The following PRUNE2 variants were observed in gnomAD, a reference collection of about 807,000 sequenced individuals.
The protein encoded by PRUNE2 is prune homolog 2 with BCH domain.
A neutral mutation model predicts 252.0 loss-of-function variants in PRUNE2; 164 were observed. The observed-to-expected ratio is 0.65, with a 90% CI of 0.57 to 0.74. PRUNE2 has a LOEUF of 0.74. Ranked by LOEUF, PRUNE2 falls within the 30% of genes least tolerant of loss-of-function variation. PRUNE2 has a pLI of 0.00. For missense variants in PRUNE2, 3,495 were observed against 3,711.0 expected (o/e 0.94, Z 1.51); for synonymous variants, 1,292 against 1,350.2 (o/e 0.96, Z 0.94).
intron 10 of PRUNE2, among the ~76,000 whole-genome samples, chr9:76,653,577 A>T (rs958713981): frequency 6.6e-6 from 1 of 152,152 alleles, no homozygotes; most frequent in African/African-American, 2.4e-5. Context: ...AACCATGGAT[A>T]GAAAGGGCCA....
In PRUNE2 at chr9:76,760,608, T is replaced by C. The variant is rs573784434; in HGVS notation, c.757-46887A>G. On this transcript the variant is annotated intron_variant, in intron 6 of 18. Coordinates refer to ENST00000376718, the MANE Select transcript of PRUNE2 (RefSeq NM_015225.3). ...AGATTAATCATCCTAACTATGACCATGATTTTAGCCAAAAGCCCCCCAAAA... is the reference window on the plus strand; with the variant it reads ...AGATTAATCATCCTAACTATGACCACGATTTTAGCCAAAAGCCCCCCAAAA... Among the ~76,000 whole-genome samples, 4 of 152,252 alleles carry C rather than the reference T, an allele frequency of 2.6e-5. No homozygotes were observed. The Middle Eastern group carries it at 0.01, about 388-fold the overall frequency.
At chr9:76,692,873 G>A (rs2044920615) in intron 9 of PRUNE2, 3 of 152,182 alleles carry the variant, frequency 2.0e-5, no homozygotes, top group Non-Finnish European at 4.4e-5. Flanking sequence ...AGCTACTCAG[G>A]AGGCTAAGGC....
chr9:76,631,868 G>A (rs1178014991), intron 15 of PRUNE2, among the ~76,000 whole-genome samples: 1 of 152,168 alleles, frequency 6.6e-6, no homozygotes, highest in Non-Finnish European at 1.5e-5. Flanking sequence ...TATACTCAAT[G>A]TTCAGCTCCC....
chr9:76,641,919 TCTC>T (rs1181310501), intron 12 of PRUNE2: 6 of 1,518,734 alleles, frequency 4.0e-6, no homozygotes, highest in Admixed American at 2.4e-5. Context: ...CAGCAACTCT[TCTC>T]CTCATTCTTT....
chr9:76,683,877 T>C (rs531282984), intron 9 of PRUNE2, among the ~76,000 whole-genome samples: 2 of 151,556 alleles, frequency 1.3e-5, no homozygotes, highest in Admixed American at 6.6e-5. Flanking sequence ...TATACACATA[T>C]GTATTTGCAT....
At chr9:76,715,518 A>G (rs2047073489) in intron 6 of PRUNE2, among the ~76,000 whole-genome samples, 2 of 152,216 alleles carry the variant, frequency 1.3e-5, no homozygotes, top group African/African-American at 4.8e-5. Context: ...CAAAGGTCTC[A>G]GGATCTATTC....
chr9:76,881,191 C>T (rs977492716), intron 1 of PRUNE2, among the ~76,000 whole-genome samples: 1 of 152,148 alleles, frequency 6.6e-6, no homozygotes, highest in Non-Finnish European at 1.5e-5. Context: ...TGGTCTCGAA[C>T]TCCTGACCTC....
chr9:76,772,015 C>A (rs2053168450), intron 6 of PRUNE2, among the ~76,000 whole-genome samples: 1 of 152,182 alleles, frequency 6.6e-6, no homozygotes, highest in Non-Finnish European at 1.5e-5. Flanking sequence ...TATACGAAGT[C>A]CGAGAGCAGA....
chr9:76,898,395 T>C (rs1466267821), intron 1 of PRUNE2, among the ~76,000 whole-genome samples: 1 of 152,156 alleles, frequency 6.6e-6, no homozygotes, highest in African/African-American at 2.4e-5. Flanking sequence ...CAGACAATCT[T>C]TGGACTGTGT....
intron 6 of PRUNE2, among the ~76,000 whole-genome samples, chr9:76,779,239 T>A (rs951660322): frequency 6.6e-6 from 1 of 152,068 alleles, no homozygotes; most frequent in Admixed American, 6.5e-5. Flanking sequence ...AGACTTTTTT[T>A]TTTTTTTGGA....
rs147591318 is a variant in PRUNE2 at position 76,893,265 on chromosome 9, A to T, written c.36+12663T>A. ...GGTTCTAAAAACAAAACAAACAACA[A>T]TAACAAAAAACCCCTATGATTCTAT... On this transcript the variant is annotated intron_variant, in intron 1 of 18. Transcript: ENST00000376718. Among the ~76,000 whole-genome samples the T allele has an allele frequency of 5.4e-4, 82 of 152,316 alleles. 1 individual carries two copies. In the East Asian group the frequency reaches 7.5e-3, roughly 14 times the overall value.
chr9:76,649,006 G>T (rs911570084), intron 11 of PRUNE2, among the ~76,000 whole-genome samples: 1 of 152,222 alleles, frequency 6.6e-6, no homozygotes, highest in African/African-American at 2.4e-5. Context: ...TTCATCAGTT[G>T]TAACAACCCA....
chr9:76,643,799 G>C (rs1435875406), intron 12 of PRUNE2, among the ~76,000 whole-genome samples: 1 of 152,170 alleles, frequency 6.6e-6, no homozygotes, highest in Non-Finnish European at 1.5e-5. Flanking sequence ...GGCGGAGAAA[G>C]GTTTGATTGA....
chr9:76,680,258 C>T (rs570771301), intron 9 of PRUNE2, among the ~76,000 whole-genome samples: 1 of 152,238 alleles, frequency 6.6e-6, no homozygotes, highest in East Asian at 1.9e-4. Flanking sequence ...TGAAAAGATG[C>T]TCCACATCAC....
intron 6 of PRUNE2, among the ~76,000 whole-genome samples, chr9:76,747,146 G>A (rs938283398): frequency 6.6e-6 from 1 of 152,170 alleles, no homozygotes; most frequent in Non-Finnish European, 1.5e-5. Context: ...CCCAGCTGGT[G>A]TCTGCTGGAG....
chr9:76,707,145 G>C lies in PRUNE2; in HGVS notation c.5129C>G (p.Ala1710Gly). The C allele has an allele frequency of 6.2e-7, 1 of 1,613,888 alleles. No homozygotes were observed. Among genetic ancestry groups the C allele is most frequent in the Non-Finnish European group, 8.5e-7 (1 of 1,179,856 alleles). ...EEIQVANCHVAEDESRAWDSL... is the reference protein window; with the variant it reads ...EEIQVANCHVGEDESRAWDSL... ...ATCCCAAGCTCTGGATTCATCCTCA[G>C]CAACGTGGCAGTTGGCCACCTGGAT... Residue 1710 changes from alanine (A) to glycine (G), a missense_variant, in exon 8 of 19, where the codon GCT (alanine) becomes GGT (glycine). Transcript: ENST00000376718.
chr9:76,680,836 AAG>A (rs1254851732), intron 9 of PRUNE2, among the ~76,000 whole-genome samples: 1 of 152,158 alleles, frequency 6.6e-6, no homozygotes, highest in South Asian at 2.1e-4. Context: ...ATGGCAATAG[AAG>A]AGAGAGAGCA....
At chr9:76,905,859 C>CT (rs1459866363) in intron 1 of PRUNE2, 69 bp downstream of exon 1, 3 of 1,599,854 alleles carry the variant, frequency 1.9e-6, no homozygotes, top group Non-Finnish European at 2.6e-6. Context: ...GCTGCAACAC[C>CT]TTTTCCTCTC....
intron 6 of PRUNE2, among the ~76,000 whole-genome samples, chr9:76,813,848 T>C (rs750743412): frequency 7.2e-5 from 11 of 152,154 alleles, no homozygotes; most frequent in Non-Finnish European, 1.2e-4. Flanking sequence ...ACAGAGTCTC[T>C]CTCTGTCACC....
Sources: gnomAD v4.1 joint callset for allele counts (sites outside exome capture counted in the v4.1 genomes callset) on GRCh38, gnomAD v4.1.1 for gene constraint, MANE v1.5 for transcripts, NCBI Gene and HGNC (gene_info 2026-07-23, HGNC 2026-07-21) for gene names.